The following MGST1 variants were observed in gnomAD, a reference collection of about 807,000 sequenced individuals.
MGST1 encodes microsomal glutathione S-transferase 1.
MGST1 carries 5 observed loss-of-function variants against 8.9 expected under a neutral mutation model. The observed-to-expected ratio is 0.56, with a 90% CI of 0.29 to 1.19. The LOEUF (loss-of-function observed/expected upper bound fraction) is 1.19. Ranked by LOEUF, MGST1 falls within the 50% of genes most tolerant of loss-of-function variation. MGST1 has a pLI of 0.08. For synonymous variants in MGST1, 54 were observed against 67.8 expected, an observed-to-expected ratio of 0.80 and a Z score of 1.00; for missense variants, 182 against 187.4, an observed-to-expected ratio of 0.97 and a Z score of 0.17.
chr12:16,492,751 C>T (rs1005453342), intron 4 of MGST1, among the ~76,000 whole-genome samples: 6 of 152,062 alleles, frequency 3.9e-5, no homozygotes, highest in Non-Finnish European at 7.4e-5. Flanking sequence ...TATATGCCAA[C>T]TAGGTCCCAA....
rs143678785 is a variant in MGST1 at position 16,389,736 on chromosome 12, C to G, written n.778+6132C>G. Among the ~76,000 whole-genome samples, 2 of 152,024 alleles carry G rather than the reference C, an allele frequency of 1.3e-5. No homozygotes were observed. The highest frequency in any genetic ancestry group is 4.8e-5 in the African/African-American group (2 of 41,456). ...CTCATTGGGGTTTGAAGTATGAACA[C>G]GTGTTTAGTGAGCAATATTGGAGTT... On this transcript the variant is annotated intron_variant and non_coding_transcript_variant, in intron 1 of 1. Coordinates refer to the MGST1 transcript ENST00000359720. This position sits in a 1 kb window ranked among gnomAD's most constrained non-coding sequence, Gnocchi z 4.6.
Position 16,482,587 on chromosome 12 carries a change from C to T in MGST1, n.482+98983C>T, listed in dbSNP as rs529454769. Reference sequence around the variant, plus strand: ...TGGAGATTGCAGTGAGCCAAGATCACGCCACTGCACTCCAGCCTGGGTTAC... The same window carrying T: ...TGGAGATTGCAGTGAGCCAAGATCATGCCACTGCACTCCAGCCTGGGTTAC... On this transcript the variant is annotated intron_variant and non_coding_transcript_variant, in intron 4 of 4. Transcript: ENST00000538857. This position sits in a 1 kb window ranked among gnomAD's most constrained non-coding sequence, Gnocchi z 4.2. Among the ~76,000 whole-genome samples, 21 of 151,074 alleles carry T rather than the reference C, an allele frequency of 1.4e-4. No individual in the cohort carries two copies. Among genetic ancestry groups the T allele is most frequent in the South Asian group, 2.1e-4 (1 of 4,770 alleles).
At chr12:16,512,638 C>T (rs1941584270) in intron 4 of MGST1, among the ~76,000 whole-genome samples, 1 of 152,168 alleles carries the variant, frequency 6.6e-6, no homozygotes, top group Admixed American at 6.5e-5. Context: ...TTTATATAGA[C>T]ATCGCAGACA....
chr12:16,366,547 T>G (rs960774583), downstream of MGST1, among the ~76,000 whole-genome samples: 1 of 151,994 alleles, frequency 6.6e-6, no homozygotes, highest in Non-Finnish European at 1.5e-5. This position sits in a 1 kb window ranked among gnomAD's most constrained non-coding sequence, Gnocchi z 4.0. Context: ...AGGAATAGGA[T>G]GGGTTTGTTT....
At chr12:16,437,537 C>T (rs531581822) in exon 2 of MGST1, 1 of 152,244 alleles carries the variant, frequency 6.6e-6, no homozygotes, top group Non-Finnish European at 1.5e-5. Context: ...TCATACTCTA[C>T]TGACCTCAGA....
Position 16,560,153 on chromosome 12 carries a change from T to TAAAAG in MGST1, n.483-29372_483-29368dup, listed in dbSNP as rs554754377. Among the ~76,000 whole-genome samples the TAAAAG allele has an allele frequency of 9.9e-4, 151 of 152,172 alleles. 2 individuals carry two copies. The highest frequency in any genetic ancestry group is 3.6e-3 in the African/African-American group (149 of 41,516). On this transcript the variant is annotated intron_variant and non_coding_transcript_variant, in intron 4 of 4. Transcript: ENST00000538857. This position sits in a 1 kb window ranked among gnomAD's most constrained non-coding sequence, Gnocchi z 5.0. ...GGAAAATAATAAAAGAAGGAATGAG[T>TAAAAG]AAAAGAAGTCAGAGTTTACGGTAGT... is the stretch of plus-strand genomic sequence containing the variant.
rs767400053 is a variant in MGST1 at position 16,394,472 on chromosome 12, TTCTA to T, written n.778+10872_778+10875del. Among the ~76,000 whole-genome samples, 32 of 143,974 alleles carry T rather than the reference TTCTA, an allele frequency of 2.2e-4. 1 individual carries two copies. Among genetic ancestry groups the T allele is most frequent in the South Asian group, 4.6e-4 (2 of 4,332 alleles). The allele number at this position is 143,974 out of a possible 152,430, so 94.5% of individuals were successfully genotyped here. On this transcript the variant is annotated intron_variant and non_coding_transcript_variant, in intron 1 of 1. Coordinates refer to the MGST1 transcript ENST00000359720. ...TCTTTCTCACTCTTCCTCCCTCCCT[TTCTA>T]TCTTTCTTCCTTTCTTTCTTTCTCT...
At chr12:16,441,942 C>T (rs533737100), downstream of MGST1, among the ~76,000 whole-genome samples, 39 of 151,846 alleles carry the variant, frequency 2.6e-4, no homozygotes, top group Admixed American at 1.1e-3. Context: ...TTTGCATCTC[C>T]GTCAGCAATG....
At chr12:16,589,662 A>T (rs904391905), downstream of MGST1, 2 of 152,200 alleles carry the variant, frequency 1.3e-5, no homozygotes, top group African/African-American at 4.8e-5. This position sits in a 1 kb window ranked among gnomAD's most constrained non-coding sequence, Gnocchi z 4.2. Context: ...CAGATTATTT[A>T]AACACCAAGC....
intron 1 of MGST1, among the ~76,000 whole-genome samples, chr12:16,388,814 C>T (rs568934052): frequency 6.6e-6 from 1 of 152,294 alleles, no homozygotes; most frequent in African/African-American, 2.4e-5. Context: ...AGGCTTAAGG[C>T]AGCTTTAGGA....
At chr12:16,551,777 T>G (rs1194031672) in intron 4 of MGST1, among the ~76,000 whole-genome samples, 4 of 152,044 alleles carry the variant, frequency 2.6e-5, no homozygotes, top group Non-Finnish European at 4.4e-5. Context: ...ATCAAACAAT[T>G]AGAAAATAGC....
intron 1 of MGST1, among the ~76,000 whole-genome samples, chr12:16,412,751 T>C (rs1310511286): frequency 1.3e-5 from 2 of 152,206 alleles, no homozygotes; most frequent in East Asian, 1.9e-4. Context: ...CTTCACCTTC[T>C]GCCATGATTG....
At chr12:16,390,088 C>T (rs1940536894) in intron 1 of MGST1, among the ~76,000 whole-genome samples, 1 of 151,998 alleles carries the variant, frequency 6.6e-6, no homozygotes, top group Non-Finnish European at 1.5e-5. Context: ...AGAATAACTC[C>T]AGCAAAGACT....
At chr12:16,539,952 C>G (rs770162483) in intron 4 of MGST1, among the ~76,000 whole-genome samples, 7 of 152,232 alleles carry the variant, frequency 4.6e-5, no homozygotes. Flanking sequence ...TAAAACCTCT[C>G]ATACTTGGAA....
Position 16,447,716 on chromosome 12 carries a change from G to T in MGST1, n.482+64112G>T, listed in dbSNP as rs1432655510. Among the ~76,000 whole-genome samples, 3 of 151,922 alleles carry T rather than the reference G, an allele frequency of 2.0e-5. No homozygotes were observed. In the East Asian group the frequency reaches 5.8e-4, roughly 29 times the overall value. On this transcript the variant is annotated intron_variant and non_coding_transcript_variant, in intron 4 of 4. Transcript: ENST00000538857. Reference sequence around the variant, plus strand: ...CATCCTGGAGGCTCTCCTGGCACTTGCACAGCTCAGATATTCAAGGTCCTG... The same window carrying T: ...CATCCTGGAGGCTCTCCTGGCACTTTCACAGCTCAGATATTCAAGGTCCTG...
intron 4 of MGST1, among the ~76,000 whole-genome samples, chr12:16,484,382 C>T (rs1208413012): frequency 2.0e-5 from 3 of 151,936 alleles, no homozygotes; most frequent in African/African-American, 7.2e-5. Context: ...TTCCCAGAGG[C>T]ACGATAAAGA....
intron 4 of MGST1, among the ~76,000 whole-genome samples, chr12:16,524,186 A>C (rs1941667009): frequency 6.6e-6 from 1 of 152,116 alleles, no homozygotes; most frequent in African/African-American, 2.4e-5. Flanking sequence ...ATGAGGAAGT[A>C]AACTTTCTGT....
At chr12:16,553,159 T>A (rs1159984222) in intron 4 of MGST1, among the ~76,000 whole-genome samples, 1 of 152,096 alleles carries the variant, frequency 6.6e-6, no homozygotes, top group African/African-American at 2.4e-5. Flanking sequence ...ACATCCAACC[T>A]AGAAAGTAAG....
intron 4 of MGST1, among the ~76,000 whole-genome samples, chr12:16,486,437 G>T (rs572658942): frequency 6.6e-6 from 1 of 152,274 alleles, no homozygotes; most frequent in East Asian, 1.9e-4. Context: ...TTTGAAAAAT[G>T]TATAAAATAA....
Sources: allele counts gnomAD v4.1 joint callset (sites outside exome capture counted in the v4.1 genomes callset), GRCh38; gene constraint gnomAD v4.1.1; non-coding constraint Gnocchi (gnomAD v3.1); transcripts MANE v1.5; gene names NCBI Gene and HGNC (gene_info 2026-07-23, HGNC 2026-07-21).